NEK6: variants seen among roughly 807,000 people sequenced by gnomAD.
NEK6 encodes NIMA related kinase 6.
Under a neutral mutation model 43.5 loss-of-function variants are expected in NEK6, and 27 were observed. That is an observed-to-expected ratio of 0.62 (90% CI 0.46 to 0.86). NEK6 has a LOEUF of 0.86. Among genes scored for constraint, NEK6 ranks in the 40% least tolerant of loss-of-function variants. The probability of loss-of-function intolerance (pLI) is 0.00; values close to 1 mark genes in which losing one functional copy is unlikely to be tolerated. For missense variants in NEK6, 318 were observed against 414.4 expected (o/e 0.77, Z 2.02); for synonymous variants, 167 against 164.1 (o/e 1.02, Z -0.14).
At chr9:124,329,986 T>G (rs776040002) in intron 7 of NEK6, among the ~76,000 whole-genome samples, 1 of 152,246 alleles carries the variant, frequency 6.6e-6, no homozygotes, top group African/African-American at 2.4e-5. Flanking sequence ...GCAGCCACGT[T>G]GCCCCAGCAA....
chr9:124,287,597 G>A (rs1269955919), intron 1 of NEK6, among the ~76,000 whole-genome samples: 2 of 152,330 alleles, frequency 1.3e-5, no homozygotes, highest in East Asian at 3.9e-4. Context: ...GGCTGAGGTG[G>A]GTGGATCACC....
chr9:124,309,990 G>A (rs1833449647), intron 2 of NEK6, among the ~76,000 whole-genome samples: 1 of 152,216 alleles, frequency 6.6e-6, no homozygotes, highest in South Asian at 2.1e-4. Context: ...GGGGCCTGGG[G>A]CAGGGCTCAG....
intron 9 of NEK6, among the ~76,000 whole-genome samples, chr9:124,349,986 C>T (rs1031609236): frequency 2.0e-5 from 3 of 152,230 alleles, no homozygotes; most frequent in African/African-American, 4.8e-5. Context: ...CTCAGCCTAA[C>T]GGGCCTGCGC....
At position 124,313,951 on chromosome 9, in the gene NEK6, G is replaced by A. The variant is rs1833681665; in HGVS notation, c.260G>A (p.Arg87Lys). The A allele has an allele frequency of 6.2e-7, 1 of 1,614,090 alleles. No individual in the cohort carries two copies. The highest frequency in any genetic ancestry group is 8.5e-7 in the Non-Finnish European group (1 of 1,180,028). The change falls in exon 4 of 10, where the codon AGG (arginine) becomes AAG (lysine). Residue 87 changes from arginine to lysine, a missense_variant. Coordinates refer to ENST00000320246, the MANE Select transcript of NEK6 (RefSeq NM_014397.6). ...TTTGAGATGATGGACGCCAAGGCGA[G>A]GCAGGACTGTGTCAAGGAGATCGGC... ...QIFEMMDAKA[R>K]QDCVKEIGLL...
intron 1 of NEK6, among the ~76,000 whole-genome samples, chr9:124,276,392 G>A (rs1457373395): frequency 6.6e-6 from 1 of 152,176 alleles, no homozygotes. Flanking sequence ...TCTGACCCTG[G>A]CCCTTCATAC....
chr9:124,269,885 A>G (rs1831367913), intron 1 of NEK6, among the ~76,000 whole-genome samples: 1 of 152,098 alleles, frequency 6.6e-6, no homozygotes, highest in African/African-American at 2.4e-5. Flanking sequence ...CCTTTGCCTC[A>G]GCCTCTCTCT....
chr9:124,343,258 G>T lies in NEK6; in HGVS notation c.717+3593G>T, dbSNP rs1338380722. Among the ~76,000 whole-genome samples, 1 of 150,384 alleles carries T rather than the reference G, an allele frequency of 6.6e-6. No homozygotes were observed. The highest frequency in any genetic ancestry group is 1.5e-5 in the Non-Finnish European group (1 of 67,362). ...CGGTGAGGGGACGGATCGCAGCCGG[G>T]GGGTGGTACGGGGGATGGATCGCAG... On this transcript the variant is annotated intron_variant, in intron 8 of 9. Coordinates refer to ENST00000320246, the MANE Select transcript of NEK6 (RefSeq NM_014397.6). The surrounding 1 kb of genome is among the most constrained non-coding windows in gnomAD (Gnocchi z 5.1).
At chr9:124,309,020 A>C (rs1215725713) in intron 2 of NEK6, among the ~76,000 whole-genome samples, 1 of 152,180 alleles carries the variant, frequency 6.6e-6, no homozygotes. Context: ...CCTTCTGCTG[A>C]GAGCCCCCAG....
At chr9:124,264,637 G>A (rs1394699266) in intron 1 of NEK6, among the ~76,000 whole-genome samples, 8 of 151,730 alleles carry the variant, frequency 5.3e-5, no homozygotes, top group African/African-American at 7.3e-5. Context: ...AAACCCCATC[G>A]CTACTAAAAA....
intron 1 of NEK6, among the ~76,000 whole-genome samples, chr9:124,262,639 G>GTT (rs1303677774): frequency 6.6e-6 from 1 of 152,248 alleles, no homozygotes; most frequent in Non-Finnish European, 1.5e-5. Flanking sequence ...CGCTGTAGCT[G>GTT]TGGCTGGGCG....
chr9:124,312,442 T>C, intron 2 of NEK6, 67 bp from the exon 3 acceptor site: 2 of 1,535,542 alleles, frequency 1.3e-6, no homozygotes, highest in South Asian at 2.5e-5. Context: ...GCTGGGCCTC[T>C]AGGGGTCGTC....
chr9:124,338,377 C>T (rs964881022), intron 7 of NEK6, among the ~76,000 whole-genome samples: 1 of 152,212 alleles, frequency 6.6e-6, no homozygotes, highest in African/African-American at 2.4e-5. Context: ...TGTGAAGTGC[C>T]TGTTCAGGGC....
At chr9:124,334,506 ATC>A (rs1040489472) in intron 7 of NEK6, among the ~76,000 whole-genome samples, 1 of 152,186 alleles carries the variant, frequency 6.6e-6, no homozygotes, top group African/African-American at 2.4e-5. Context: ...GGTGCCCCCA[ATC>A]TCTCTCTGCC....
chr9:124,296,960 C>T (rs1288607363), intron 1 of NEK6, among the ~76,000 whole-genome samples: 1 of 152,230 alleles, frequency 6.6e-6, no homozygotes, highest in Non-Finnish European at 1.5e-5. Flanking sequence ...AAACCAAGCG[C>T]TCATGTCTCC....
chr9:124,265,337 T>C (rs1205360832), intron 1 of NEK6, among the ~76,000 whole-genome samples: 2 of 152,102 alleles, frequency 1.3e-5, no homozygotes, highest in African/African-American at 2.4e-5. Flanking sequence ...GCCTGACCAA[T>C]ATGGTGAAAC....
intron 7 of NEK6, among the ~76,000 whole-genome samples, chr9:124,333,405 G>A (rs1829115560): frequency 6.6e-6 from 1 of 152,192 alleles, no homozygotes; most frequent in Admixed American, 6.5e-5. Flanking sequence ...AAGATAGAAG[G>A]GGGAGCAGCC....
At position 124,275,402 on chromosome 9, in the gene NEK6, G is replaced by A. The variant is rs1252322525; in HGVS notation, c.-30+17317G>A. ...TGACCTGGTTGATGACGGTCATGGA[G>A]CCCAGAACCCATGGGTAACGGGGTC... On this transcript the variant is annotated intron_variant, in intron 1 of 9. Transcript: ENST00000320246. This position sits in a 1 kb window ranked among gnomAD's most constrained non-coding sequence, Gnocchi z 4.4. Among the ~76,000 whole-genome samples, 1 of 152,160 alleles carries A rather than the reference G, an allele frequency of 6.6e-6. No homozygotes were observed. The highest frequency in any genetic ancestry group is 2.4e-5 in the African/African-American group (1 of 41,424).
At chr9:124,258,716 G>A (rs958191300) in intron 1 of NEK6, among the ~76,000 whole-genome samples, 2 of 152,202 alleles carry the variant, frequency 1.3e-5, no homozygotes, top group African/African-American at 4.8e-5. Flanking sequence ...GCTGGGGGTC[G>A]GGGCTGGGCC....
chr9:124,303,067 G>A (rs2130803740), intron 2 of NEK6, among the ~76,000 whole-genome samples: 1 of 152,350 alleles, frequency 6.6e-6, no homozygotes, highest in East Asian at 1.9e-4. Flanking sequence ...GGCCTAGGGA[G>A]CCCAGCAAGG....
Sources: allele counts gnomAD v4.1 joint callset (sites outside exome capture counted in the v4.1 genomes callset), GRCh38; gene constraint gnomAD v4.1.1; non-coding constraint Gnocchi (gnomAD v3.1); transcripts MANE v1.5; gene names NCBI Gene and HGNC (gene_info 2026-07-23, HGNC 2026-07-21).